Variants in BID observed in about 807,000 individuals in gnomAD.
BID encodes the protein BH3-interacting domain death agonist.
BID carries 19 observed loss-of-function variants against 17.4 expected under a neutral mutation model. That is an observed-to-expected ratio of 1.09 (90% CI 0.76 to 1.60). The LOEUF (loss-of-function observed/expected upper bound fraction) is 1.60, where lower values mean the gene tolerates loss of function less well. Among genes scored for constraint, BID ranks in the 40% most tolerant of loss-of-function variants. BID has a pLI of 0.00. For missense variants in BID, 226 were observed against 256.0 expected, an observed-to-expected ratio of 0.88 and a Z score of 0.80; for synonymous variants, 108 against 102.8, an observed-to-expected ratio of 1.05 and a Z score of -0.31.
intron 5 of BID, among the ~76,000 whole-genome samples, chr22:17,736,630 T>C (rs2096380019): frequency 6.6e-6 from 1 of 152,114 alleles, no homozygotes; most frequent in African/African-American, 2.4e-5. Context: ...ACACTGTATG[T>C]TTGTTTTTAG....
chr22:17,756,454 TC>T (rs1428888261), intron 1 of BID, among the ~76,000 whole-genome samples: 2 of 106,700 alleles, frequency 1.9e-5, no homozygotes, highest in Admixed American at 9.1e-5. Flanking sequence ...TTTCTTTCTT[TC>T]TTTCTTTCTT....
At chr22:17,743,012 C>T (rs186791559) in intron 3 of BID, among the ~76,000 whole-genome samples, 3 of 152,314 alleles carry the variant, frequency 2.0e-5, no homozygotes, top group Admixed American at 1.3e-4. Context: ...AGTGGGAGGG[C>T]GGCTGAGGCC....
In BID at chr22:17,760,007, A is replaced by G. The variant is rs187219399; in HGVS notation, c.-58-9833T>C. Among the ~76,000 whole-genome samples, 678 of 150,730 alleles carry G rather than the reference A, an allele frequency of 4.5e-3. 4 individuals are homozygous for G. The highest frequency in any genetic ancestry group is 0.012 in the Admixed American group (178 of 15,048). On this transcript the variant is annotated intron_variant, in intron 1 of 5. Transcript: ENST00000622694. The stretch of plus-strand genomic sequence containing the variant: ...AAATTAGCCGGGCGTGGTGGTGGGC[A>G]CCTGTAGTCCCAGCTACTCAGGAGG...
intron 3 of BID, among the ~76,000 whole-genome samples, chr22:17,743,188 T>C (rs1374929756): frequency 6.6e-6 from 1 of 152,216 alleles, no homozygotes; most frequent in Non-Finnish European, 1.5e-5. Context: ...GCATAATGTA[T>C]GAAAGGAAAT....
In BID at chr22:17,735,365, G is replaced by A; in HGVS notation, c.*215C>T. On this transcript the variant is annotated 3_prime_UTR_variant, in exon 6 of 6. Transcript: ENST00000622694. ...GATGATATGAAGGCCATTCAAATAC[G>A]TGTAAATGGACATTTTCATTCAAGT... 2 of 584,888 alleles carry A rather than the reference G, an allele frequency of 3.4e-6. No individual in the cohort carries two copies. The highest frequency in any genetic ancestry group is 6.0e-6 in the Non-Finnish European group (2 of 332,164). 36.2% of individuals were successfully genotyped at this position (584,888 alleles called of 1,614,324 possible). A position where few individuals can be genotyped will look rare whatever the true frequency, so the allele number is the denominator to read the frequency against.
chr22:17,762,760 G>A (rs1308929335), intron 1 of BID, among the ~76,000 whole-genome samples: 1 of 151,744 alleles, frequency 6.6e-6, no homozygotes, highest in Non-Finnish European at 1.5e-5. Context: ...AGAATATAGG[G>A]ATAAAAGCCT....
intron 4 of BID, among the ~76,000 whole-genome samples, chr22:17,738,875 T>C (rs2061438218): frequency 6.6e-6 from 1 of 152,200 alleles, no homozygotes; most frequent in Non-Finnish European, 1.5e-5. Flanking sequence ...GATGTAGTTC[T>C]TTCCGCTAAG....
chr22:17,761,186 G>T (rs1201840915), intron 1 of BID, among the ~76,000 whole-genome samples: 1 of 152,148 alleles, frequency 6.6e-6, no homozygotes, highest in African/African-American at 2.4e-5. Context: ...GAGTCTCAGG[G>T]ACAGTTTTAG....
intron 1 of BID, among the ~76,000 whole-genome samples, chr22:17,754,087 C>A (rs2061562845): frequency 6.6e-6 from 1 of 151,630 alleles, no homozygotes; most frequent in Admixed American, 6.6e-5. Flanking sequence ...GGGTGACATT[C>A]CCCCATTCTC....
chr22:17,745,031 T>C (rs1282013573), intron 2 of BID, among the ~76,000 whole-genome samples: 3 of 152,174 alleles, frequency 2.0e-5, no homozygotes, highest in Non-Finnish European at 4.4e-5. Flanking sequence ...GGACAGTTCT[T>C]ACAGGGCAAA....
At chr22:17,743,711 C>T (rs2061476072) in intron 3 of BID, 92 bp downstream of exon 3, 2 of 1,346,724 alleles carry the variant, frequency 1.5e-6, no homozygotes, top group African/African-American at 2.9e-5. Flanking sequence ...GCAGAGTGAT[C>T]CCGGGGGTCC....
At chr22:17,774,115 G>A in intron 1 of BID, 1 of 183,468 alleles carries the variant, frequency 5.5e-6, no homozygotes, top group South Asian at 9.1e-5. Flanking sequence ...AGCCTTCCCC[G>A]CCTCCGAGGC....
chr22:17,750,136 C>T lies in BID; in HGVS notation c.-20G>A. On this transcript the variant is annotated 5_prime_UTR_variant, in exon 2 of 6. Coordinates refer to ENST00000622694, the MANE Select transcript of BID (RefSeq NM_001196.4). ...GTCCATGGCCTGGGCAGCGCGGCAG[C>T]TCCGACTCACTCCTGGTTCACAGTG... The T allele has an allele frequency of 6.2e-7, 1 of 1,613,332 alleles. No individual in the cohort carries two copies. Among genetic ancestry groups the T allele is most frequent in the East Asian group, 2.2e-5 (1 of 44,874 alleles).
rs1266312974 is a variant in BID at position 17,734,994 on chromosome 22, G to T, written c.*586C>A. 1 of 152,398 alleles carries T rather than the reference G, an allele frequency of 6.6e-6. No individual in the cohort carries two copies. Among genetic ancestry groups the T allele is most frequent in the Admixed American group, 6.5e-5 (1 of 15,300 alleles). The allele number at this position is 152,398 out of a possible 1,614,324, so 9.4% of individuals were successfully genotyped here. ...TGGGGCCGGACTTCCCATCATTTGA[G>T]TGCAGCACTTTAGTTCAGAATCTCT... is the stretch of plus-strand genomic sequence containing the variant. On this transcript the variant is annotated 3_prime_UTR_variant, in exon 6 of 6. Coordinates refer to ENST00000622694, the MANE Select transcript of BID (RefSeq NM_001196.4).
At chr22:17,747,646 T>G (rs1363491676) in intron 2 of BID, among the ~76,000 whole-genome samples, 1 of 152,050 alleles carries the variant, frequency 6.6e-6, no homozygotes. Context: ...GATAAAAGAA[T>G]TGATAGTTTT....
chr22:17,740,182 A>G, intron 3 of BID: 2 of 1,610,986 alleles, frequency 1.2e-6, no homozygotes, highest in Non-Finnish European at 1.7e-6. Flanking sequence ...CGCCCCTGCC[A>G]GAAGGTAAGC....
chr22:17,757,708 C>CA (rs34700137), intron 1 of BID, among the ~76,000 whole-genome samples: 21,011 of 94,498 alleles, frequency 0.22, 1,874 homozygotes, highest in East Asian at 0.4. Context: ...GACTCCGTCT[C>CA]AAAAAAAAAA....
intron 2 of BID, among the ~76,000 whole-genome samples, chr22:17,745,351 G>A (rs2061488487): frequency 1.3e-5 from 2 of 152,096 alleles, no homozygotes; most frequent in Non-Finnish European, 2.9e-5. Flanking sequence ...TTACAGGTGT[G>A]ACCTACTGCA....
chr22:17,767,004 A>G (rs530346195), intron 1 of BID, among the ~76,000 whole-genome samples: 3 of 152,016 alleles, frequency 2.0e-5, no homozygotes, highest in Non-Finnish European at 4.4e-5. Flanking sequence ...CAGGAGGATC[A>G]CCTGAGATCA....
Sources: allele counts gnomAD v4.1 joint callset (sites outside exome capture counted in the v4.1 genomes callset), GRCh38; gene constraint gnomAD v4.1.1; transcripts MANE v1.5; gene names NCBI Gene and HGNC (gene_info 2026-07-23, HGNC 2026-07-21).